IFT88: variants seen among roughly 807,000 people sequenced by gnomAD.
IFT88 encodes the protein intraflagellar transport protein 88 homolog.
Under a neutral mutation model 119.5 loss-of-function variants are expected in IFT88, and 74 were observed. The observed-to-expected ratio is 0.62, with a 90% CI of 0.51 to 0.75. The LOEUF is 0.75. IFT88 is among the 30% of genes least tolerant of loss of function. The probability of loss-of-function intolerance (pLI) is 0.00; values close to 1 mark genes in which losing one functional copy is unlikely to be tolerated. For synonymous variants in IFT88, 279 were observed against 316.7 expected (o/e 0.88, Z 1.26); for missense variants, 961 against 977.7 (o/e 0.98, Z 0.23).
intron 13 of IFT88, among the ~76,000 whole-genome samples, chr13:20,605,478 C>T (rs2043273292): frequency 6.6e-6 from 1 of 152,052 alleles, no homozygotes; most frequent in African/African-American, 2.4e-5. Context: ...TTTTATCCTG[C>T]CTCACAATTA....
Position 20,643,491 on chromosome 13 carries a change from A to G in IFT88, c.1719A>G (p.Glu573=), listed in dbSNP as rs1191502441. The G allele has an allele frequency of 2.5e-6, 4 of 1,608,362 alleles. No homozygotes were observed. The highest frequency in any genetic ancestry group is 1.3e-5 in the African/African-American group (1 of 74,760). The part of the protein sequence containing the change: ...ELMENPSQAI[E]WLMQVVSVIP... ...TGGAAAATCCCAGTCAAGCTATTGA[A>G]TGGCTAATGCAGGTGGTCAGTGTTA... The change falls in exon 19 of 26, where the codon GAA becomes GAG. Residue 573 remains glutamate, a synonymous_variant. Transcript: ENST00000351808.
chr13:20,595,880 CA>C (rs2041555930), intron 7 of IFT88, among the ~76,000 whole-genome samples: 1 of 151,610 alleles, frequency 6.6e-6, no homozygotes, highest in Non-Finnish European at 1.5e-5. Flanking sequence ...TCTGTCACTA[CA>C]AAAAACAAAA....
chr13:20,641,064 C>A (rs935688434), intron 17 of IFT88, among the ~76,000 whole-genome samples: 2 of 152,076 alleles, frequency 1.3e-5, no homozygotes, highest in African/African-American at 2.4e-5. Context: ...GGAGAATCAC[C>A]TGAGCCTGGG....
At chr13:20,670,709 TGTTTGTGTAAGCCAAG>T (rs2055670856) in intron 23 of IFT88, among the ~76,000 whole-genome samples, 2 of 152,086 alleles carry the variant, frequency 1.3e-5, no homozygotes, top group Admixed American at 1.3e-4. Flanking sequence ...AGTTTTGAGT[TGTTTGTGTAAGCCAAG>T]GTTACGCTGC....
intron 13 of IFT88, among the ~76,000 whole-genome samples, chr13:20,612,783 G>A (rs1345905613): frequency 6.6e-6 from 1 of 152,200 alleles, no homozygotes; most frequent in Non-Finnish European, 1.5e-5. Context: ...GGAATTGAGA[G>A]ACAAGGAAAA....
At position 20,631,044 on chromosome 13, in the gene IFT88, A is replaced by C; in HGVS notation, c.1328A>C (p.Lys443Thr). 1 of 1,605,202 alleles carries C rather than the reference A, an allele frequency of 6.2e-7. No individual in the cohort carries two copies. The highest frequency in any genetic ancestry group is 8.5e-7 in the Non-Finnish European group (1 of 1,171,878). ...QAVEILKVLE[K>T]KDSRVKSAAA... ...GTAGAGATCTTAAAAGTGTTGGAAAAAAAGGACAGTAGAGTGAAAAGTGCA... is the reference window on the plus strand; with the variant it reads ...GTAGAGATCTTAAAAGTGTTGGAAACAAAGGACAGTAGAGTGAAAAGTGCA... Residue 443 changes from lysine to threonine, a missense_variant, in exon 16 of 26, where the codon AAA becomes ACA. Transcript: ENST00000351808.
In IFT88 at chr13:20,605,185, T is replaced by C. The variant is rs1033841669; in HGVS notation, c.1112+80T>C. 3 of 538,330 alleles carry C rather than the reference T, an allele frequency of 5.6e-6. 1 individual carries two copies. Among genetic ancestry groups the C allele is most frequent in the Non-Finnish European group, 9.6e-6 (3 of 312,236 alleles). 33.3% of individuals were successfully genotyped at this position (538,330 alleles called of 1,614,324 possible). A position where few individuals can be genotyped will look rare whatever the true frequency, so the allele number is the denominator to read the frequency against. Reference sequence around the variant, plus strand: ...ATGTTTAGTATTAAGATACTTAATATTTGAAACTTAAAATAATTTAGTTTT... The same window carrying C: ...ATGTTTAGTATTAAGATACTTAATACTTGAAACTTAAAATAATTTAGTTTT... On this transcript the variant is annotated intron_variant, in intron 13 of 25. Transcript: ENST00000351808.
intron 25 of IFT88, 79 bp downstream of exon 25, chr13:20,690,894 G>A (rs925592626): frequency 1.4e-5 from 19 of 1,371,212 alleles, no homozygotes; most frequent in Middle Eastern, 1.8e-4. Flanking sequence ...GTGTTGCTGG[G>A]AATTCTTAAG....
chr13:20,656,695 A>G (rs1409823405), intron 22 of IFT88, among the ~76,000 whole-genome samples: 1 of 152,206 alleles, frequency 6.6e-6, no homozygotes, highest in Non-Finnish European at 1.5e-5. Context: ...ATAGAATTTT[A>G]AGAAAGCATT....
chr13:20,680,324 C>T (rs190137049), intron 24 of IFT88, among the ~76,000 whole-genome samples: 2 of 152,212 alleles, frequency 1.3e-5, no homozygotes, highest in African/African-American at 4.8e-5. Flanking sequence ...CATAATAGTT[C>T]CTTCCTCTTA....
intron 8 of IFT88, among the ~76,000 whole-genome samples, chr13:20,596,530 A>G (rs4769122): frequency 0.14 from 20,681 of 152,182 alleles, 2,193 homozygotes; most frequent in East Asian, 0.32. Flanking sequence ...TTAGATAGCA[A>G]TATGCTGCTG....
intron 1 of IFT88, among the ~76,000 whole-genome samples, chr13:20,571,175 T>A (rs1018400190): frequency 6.6e-6 from 1 of 152,050 alleles, no homozygotes; most frequent in Non-Finnish European, 1.5e-5. Flanking sequence ...TTTGTATTTT[T>A]AGTAGAGACG....
intron 20 of IFT88, among the ~76,000 whole-genome samples, chr13:20,651,403 G>A (rs1285919235): frequency 1.4e-5 from 2 of 146,866 alleles, no homozygotes; most frequent in East Asian, 4.0e-4. Context: ...GAAAGCTGAG[G>A]CTCAAACAGA....
At chr13:20,637,520 C>T (rs2049200858) in intron 16 of IFT88, among the ~76,000 whole-genome samples, 1 of 152,114 alleles carries the variant, frequency 6.6e-6, no homozygotes, top group African/African-American at 2.4e-5. Flanking sequence ...AAGCAGATGC[C>T]TCTGTGCAGC....
At chr13:20,625,312 ATAGAG>A (rs1462145932) in intron 14 of IFT88, among the ~76,000 whole-genome samples, 2 of 152,210 alleles carry the variant, frequency 1.3e-5, no homozygotes, top group East Asian at 3.8e-4. Context: ...TGCCCCTGTT[ATAGAG>A]TAAACAGCAA....
intron 14 of IFT88, among the ~76,000 whole-genome samples, chr13:20,616,348 T>C (rs1389606589): frequency 1.3e-5 from 2 of 152,250 alleles, no homozygotes; most frequent in African/African-American, 2.4e-5. Context: ...CTTCCAGTCC[T>C]GGAAGCTCCA....
chr13:20,591,304 G>C (rs986554733), intron 5 of IFT88, among the ~76,000 whole-genome samples: 3 of 152,038 alleles, frequency 2.0e-5, no homozygotes, highest in African/African-American at 7.2e-5. Context: ...CATTTTTCCT[G>C]TTACCATTTA....
chr13:20,655,760 C>T lies in IFT88; in HGVS notation c.2003-605C>T, dbSNP rs577450459. ...CCACCCACCTCAGCCTCCCAAAATG[C>T]TGGGATTAAAGGAGTGAGCCACCAC... On this transcript the variant is annotated intron_variant, in intron 21 of 25. Coordinates refer to ENST00000351808, the MANE Select transcript of IFT88 (RefSeq NM_006531.5). Among the ~76,000 whole-genome samples the T allele has an allele frequency of 5.6e-4, 86 of 152,220 alleles. No individual in the cohort carries two copies. In the Middle Eastern group the frequency reaches 0.01, roughly 18 times the overall value.
intron 16 of IFT88, among the ~76,000 whole-genome samples, chr13:20,637,763 A>C (rs1242601013): frequency 6.6e-6 from 1 of 152,180 alleles, no homozygotes; most frequent in Admixed American, 6.5e-5. Context: ...TCTAGACAAG[A>C]GGCTAATAGT....
Sources: allele counts gnomAD v4.1 joint callset (sites outside exome capture counted in the v4.1 genomes callset), GRCh38; gene constraint gnomAD v4.1.1; transcripts MANE v1.5; gene names NCBI Gene and HGNC (gene_info 2026-07-23, HGNC 2026-07-21).